ARFGEF3: variants seen among roughly 807,000 people sequenced by gnomAD.
ARFGEF3 encodes the protein brefeldin A-inhibited guanine nucleotide-exchange protein 3.
In ARFGEF3, 96 loss-of-function variants were observed where a neutral mutation model predicts 221.7. The observed-to-expected ratio is 0.43, with a 90% CI of 0.37 to 0.51. The LOEUF is 0.51. ARFGEF3 is among the 20% of genes least tolerant of loss of function. The pLI is 0.00. For synonymous variants in ARFGEF3, 1,145 were observed against 1,126.8 expected (o/e 1.02, Z -0.32); for missense variants, 2,410 against 2,789.9 (o/e 0.86, Z 3.07).
intron 14 of ARFGEF3, among the ~76,000 whole-genome samples, chr6:138,285,593 C>G (rs1338392225): frequency 6.6e-6 from 1 of 152,104 alleles, no homozygotes; most frequent in African/African-American, 2.4e-5. Context: ...TCTGGGTAAC[C>G]TGTACATATA....
intron 22 of ARFGEF3, among the ~76,000 whole-genome samples, chr6:138,300,822 T>G (rs1779616552): frequency 6.6e-6 from 1 of 152,196 alleles, no homozygotes; most frequent in Non-Finnish European, 1.5e-5. Context: ...AGATTAGTCA[T>G]AAGAGAAAAT....
At chr6:138,324,409 C>T (rs1037889770) in intron 31 of ARFGEF3, among the ~76,000 whole-genome samples, 1 of 152,196 alleles carries the variant, frequency 6.6e-6, no homozygotes, top group Non-Finnish European at 1.5e-5. Context: ...TCAGCAGCCT[C>T]GCCACTGTCC....
chr6:138,175,309 T>G (rs1246037215), intron 2 of ARFGEF3, among the ~76,000 whole-genome samples: 1 of 152,320 alleles, frequency 6.6e-6, no homozygotes, highest in East Asian at 1.9e-4. Flanking sequence ...TTGCTTTTGA[T>G]TTGGGGGTGA....
chr6:138,190,931 C>T (rs1253730697), intron 2 of ARFGEF3, among the ~76,000 whole-genome samples: 1 of 152,108 alleles, frequency 6.6e-6, no homozygotes, highest in East Asian at 1.9e-4. Context: ...AGGGTGTAGG[C>T]TTTTGTGTCC....
chr6:138,167,418 T>C (rs1019725057), intron 1 of ARFGEF3, among the ~76,000 whole-genome samples: 1 of 152,202 alleles, frequency 6.6e-6, no homozygotes, highest in Admixed American at 6.5e-5. Context: ...TCCACCTGAA[T>C]GGCTTGCAGG....
At chr6:138,312,038 C>T (rs560124869) in intron 25 of ARFGEF3, among the ~76,000 whole-genome samples, 2 of 152,252 alleles carry the variant, frequency 1.3e-5, no homozygotes, top group Admixed American at 1.3e-4. Flanking sequence ...CGCCTGTAAT[C>T]TCAGCTACTG....
intron 12 of ARFGEF3, among the ~76,000 whole-genome samples, chr6:138,272,782 G>T (rs1779028408): frequency 6.6e-6 from 1 of 152,262 alleles, no homozygotes; most frequent in South Asian, 2.1e-4. Context: ...GAGAGTGGGT[G>T]TAAGAGTGCT....
chr6:138,286,738 G>A lies in ARFGEF3; in HGVS notation c.2607G>A (p.Trp869Ter). Residue 869 changes from tryptophan to a stop codon, truncating the protein, a stop_gained, in exon 16 of 34, where the codon TGG (tryptophan) becomes TGA (stop). Transcript: ENST00000251691. LOFTEE classifies it high-confidence loss of function. Reference sequence around the variant, plus strand: ...CTCGCTATATTCTGGTGGGCTGCTGGAAGAACTTGATCGATACTTTATCAA... The same window carrying A: ...CTCGCTATATTCTGGTGGGCTGCTGAAAGAACTTGATCGATACTTTATCAA... Reference protein sequence around the residue: ...AFARYILVGCWKNLIDTLSTP... With the variant: ...AFARYILVGC 6.2e-7 allele frequency: 1 copy of A among 1,614,054 alleles called. No individual in the cohort carries two copies. Among genetic ancestry groups the A allele is most frequent in the Non-Finnish European group, 8.5e-7 (1 of 1,179,906 alleles).
chr6:138,328,164 C>A, intron 32 of ARFGEF3, 22 bp downstream of exon 32: 2 of 1,573,444 alleles, frequency 1.3e-6, no homozygotes, highest in South Asian at 2.3e-5. Context: ...AATCTCAACT[C>A]ATAGGGTGCT....
intron 2 of ARFGEF3, among the ~76,000 whole-genome samples, chr6:138,204,268 G>A (rs1294297034): frequency 9.7e-5 from 14 of 144,400 alleles, no homozygotes; most frequent in Admixed American, 3.7e-4. Flanking sequence ...AACCTGGGAG[G>A]CAAAGATTGC....
At chr6:138,277,009 G>A (rs1321515456) in intron 12 of ARFGEF3, among the ~76,000 whole-genome samples, 1 of 152,110 alleles carries the variant, frequency 6.6e-6, no homozygotes, top group Admixed American at 6.6e-5. Context: ...TTTCATCATG[G>A]TAAAAATAGA....
At chr6:138,238,952 G>A (rs528637836) in intron 6 of ARFGEF3, among the ~76,000 whole-genome samples, 24 of 152,314 alleles carry the variant, frequency 1.6e-4, no homozygotes, top group African/African-American at 5.8e-4. Flanking sequence ...AATATTGGAA[G>A]TAAATTTGAA....
intron 5 of ARFGEF3, among the ~76,000 whole-genome samples, chr6:138,234,284 A>G (rs560594260): frequency 6.6e-6 from 1 of 152,294 alleles, no homozygotes; most frequent in Admixed American, 6.5e-5. Context: ...TAATATGCCA[A>G]CTTAAGCCAA....
intron 2 of ARFGEF3, among the ~76,000 whole-genome samples, chr6:138,185,310 G>A (rs1409279079): frequency 6.6e-6 from 1 of 152,216 alleles, no homozygotes; most frequent in Non-Finnish European, 1.5e-5. Flanking sequence ...TCCTGGCTGT[G>A]TTAAGGGGGC....
rs1326946283 is a variant in ARFGEF3 at position 138,291,524 on chromosome 6, A to G, written c.3048-209A>G. The stretch of plus-strand genomic sequence containing the variant: ...CCCAAATAATCCTTTACCCATTTCA[A>G]GGCTGTCTGGTCCAACTCAAATACT... On this transcript the variant is annotated intron_variant, in intron 18 of 33. Transcript: ENST00000251691. This position sits in a 1 kb window ranked among gnomAD's most constrained non-coding sequence, Gnocchi z 4.5. Among the ~76,000 whole-genome samples, 2 of 152,108 alleles carry G rather than the reference A, an allele frequency of 1.3e-5. No individual in the cohort carries two copies. The highest frequency in any genetic ancestry group is 2.4e-5 in the African/African-American group (1 of 41,414).
chr6:138,165,237 G>A (rs1309447124), intron 1 of ARFGEF3, among the ~76,000 whole-genome samples: 5 of 151,844 alleles, frequency 3.3e-5, no homozygotes, highest in Admixed American at 6.5e-5. Context: ...GACCCTCATG[G>A]GAGAGAGGGG....
At chr6:138,228,343 ATT>A (rs1290786424) in intron 4 of ARFGEF3, among the ~76,000 whole-genome samples, 16 of 137,944 alleles carry the variant, frequency 1.2e-4, no homozygotes, top group African/African-American at 3.2e-4. Context: ...CACCTGGATA[ATT>A]TTTTTTTTTT....
At chr6:138,203,137 G>A (rs1004779881) in intron 2 of ARFGEF3, among the ~76,000 whole-genome samples, 7 of 150,960 alleles carry the variant, frequency 4.6e-5, no homozygotes, top group Non-Finnish European at 7.4e-5. Context: ...TAGGAAGAGG[G>A]TCCTTTGCCA....
At chr6:138,209,603 C>T (rs977124723) in intron 3 of ARFGEF3, among the ~76,000 whole-genome samples, 3 of 152,108 alleles carry the variant, frequency 2.0e-5, no homozygotes, top group African/African-American at 7.2e-5. Flanking sequence ...GCACCCGCCA[C>T]CACGCCTGGC....
Sources: allele counts gnomAD v4.1 joint callset (sites outside exome capture counted in the v4.1 genomes callset), GRCh38; gene constraint gnomAD v4.1.1; non-coding constraint Gnocchi (gnomAD v3.1); transcripts MANE v1.5; gene names NCBI Gene and HGNC (gene_info 2026-07-23, HGNC 2026-07-21).